STK10: variants seen among roughly 807,000 people sequenced by gnomAD.
STK10 encodes serine/threonine-protein kinase 10.
A neutral mutation model predicts 113.8 loss-of-function variants in STK10; 78 were observed. That is an observed-to-expected ratio of 0.69 (90% confidence interval 0.57 to 0.83). The LOEUF is 0.83. Ranked by LOEUF, STK10 falls within the 40% of genes least tolerant of loss-of-function variation. The probability of loss-of-function intolerance (pLI) is 0.00; values close to 1 mark genes in which losing one functional copy is unlikely to be tolerated. For missense variants in STK10, 1,109 were observed against 1,280.1 expected, an observed-to-expected ratio of 0.87 and a Z score of 2.04; for synonymous variants, 465 against 494.7, an observed-to-expected ratio of 0.94 and a Z score of 0.80.
intron 18 of STK10, among the ~76,000 whole-genome samples, chr5:172,046,619 C>T (rs1045893566): frequency 1.3e-5 from 2 of 152,168 alleles, no homozygotes; most frequent in Non-Finnish European, 2.9e-5. Context: ...TTCTGTTCTA[C>T]CCACCACATA....
chr5:172,108,023 A>C, intron 4 of STK10, 171 bp from the exon 5 acceptor site: 1 of 590,672 alleles, frequency 1.7e-6, no homozygotes, highest in Non-Finnish European at 3.0e-6. Context: ...GGAAGTACCG[A>C]GATGAACACT....
chr5:172,113,167 G>T (rs76777375), intron 4 of STK10, among the ~76,000 whole-genome samples: 357 of 152,196 alleles, frequency 2.3e-3, no homozygotes, highest in African/African-American at 8.2e-3. Flanking sequence ...TCTCTATTAA[G>T]TAAAACCCAG....
chr5:172,188,221 G>A lies in STK10; in HGVS notation c.-179C>T. On this transcript the variant is annotated 5_prime_UTR_variant, in exon 1 of 19. Coordinates refer to ENST00000176763, the MANE Select transcript of STK10 (RefSeq NM_005990.4). This position sits in a 1 kb window ranked among gnomAD's most constrained non-coding sequence, Gnocchi z 5.6. ...TGTGCCCTGGGCAGCGCCGCGCCGG[G>A]AGCACCCGGAACCGCGCAGGCGGCG... 1.8e-6 allele frequency: 2 copies of A among 1,108,854 alleles called. No homozygotes were observed. Among genetic ancestry groups the A allele is most frequent in the Non-Finnish European group, 2.4e-6 (2 of 833,960 alleles). The allele number at this position is 1,108,854 out of a possible 1,614,324, so 68.7% of individuals were successfully genotyped here.
intron 12 of STK10, among the ~76,000 whole-genome samples, chr5:172,081,378 G>T (rs1346210288): frequency 6.6e-6 from 1 of 150,698 alleles, no homozygotes; most frequent in Non-Finnish European, 1.5e-5. Flanking sequence ...AAAAAATCAG[G>T]CTAAATCTAC....
chr5:172,159,531 A>G (rs1006022273), intron 1 of STK10, among the ~76,000 whole-genome samples: 2 of 152,006 alleles, frequency 1.3e-5, no homozygotes, highest in African/African-American at 4.8e-5. Flanking sequence ...GACAGGAAAA[A>G]AAGAAAACAG....
In STK10 at chr5:172,055,596, T is replaced by G; in HGVS notation, c.2518A>C (p.Ile840Leu). ...GGSAAEQREK[I>L]KQFSQQEEKR... ...GCAGGCCCGGCCCCCACCTGCTTGA[T>G]CTTCTCACGCTGCTCAGCTGCGCTG... Residue 840 changes from isoleucine to leucine, a missense_variant, in exon 16 of 19, where the codon ATC becomes CTC. Around this residue, in one of 5 missense-constraint regions of STK10, gnomAD observed 885 missense variants for 991.1 expected, o/e 0.89. Transcript: ENST00000176763. 6.7e-7 allele frequency: 1 copy of G among 1,489,974 alleles called. No homozygotes were observed. 92.3% of individuals were successfully genotyped at this position (1,489,974 alleles called of 1,614,324 possible).
intron 1 of STK10, among the ~76,000 whole-genome samples, chr5:172,161,410 A>G (rs1177781425): frequency 1.3e-5 from 2 of 151,820 alleles, no homozygotes; most frequent in Non-Finnish European, 2.9e-5. Flanking sequence ...CCGAGATCAC[A>G]CCACTGCACT....
At chr5:172,182,239 G>A (rs1481067399) in intron 1 of STK10, among the ~76,000 whole-genome samples, 2 of 146,436 alleles carry the variant, frequency 1.4e-5, no homozygotes, top group Non-Finnish European at 3.0e-5. Flanking sequence ...GAAAGCGGAG[G>A]TTGCGGTGAG....
At chr5:172,127,509 C>A in intron 2 of STK10, 88 bp from the exon 3 acceptor site, 2 of 1,409,748 alleles carry the variant, frequency 1.4e-6, no homozygotes, top group African/African-American at 1.4e-5. Context: ...GCAGGGTCCA[C>A]CCATGCCCAA....
intron 2 of STK10, among the ~76,000 whole-genome samples, chr5:172,129,752 A>C (rs965302681): frequency 1.3e-5 from 2 of 152,218 alleles, no homozygotes; most frequent in Admixed American, 1.3e-4. Context: ...TGCTAGAAAA[A>C]AAACAAGCCA....
At chr5:172,136,116 G>A (rs1419380984) in intron 2 of STK10, among the ~76,000 whole-genome samples, 2 of 151,678 alleles carry the variant, frequency 1.3e-5, no homozygotes, top group East Asian at 1.9e-4. Flanking sequence ...ATGAAAAAGG[G>A]GACACATTAC....
intron 3 of STK10, among the ~76,000 whole-genome samples, chr5:172,124,946 A>G (rs1165087092): frequency 2.0e-5 from 3 of 152,184 alleles, no homozygotes; most frequent in African/African-American, 4.8e-5. Flanking sequence ...TATGTATTTC[A>G]TCTTCACATC....
intron 1 of STK10, among the ~76,000 whole-genome samples, chr5:172,164,161 A>C (rs921393855): frequency 6.6e-6 from 1 of 151,106 alleles, no homozygotes; most frequent in Non-Finnish European, 1.5e-5. Flanking sequence ...GCAGTGAGCC[A>C]AGATAGCGCC....
intron 18 of STK10, among the ~76,000 whole-genome samples, chr5:172,047,607 G>A (rs1767517924): frequency 6.6e-6 from 1 of 152,184 alleles, no homozygotes; most frequent in Non-Finnish European, 1.5e-5. Flanking sequence ...CAGGGAGGGA[G>A]GCCTCAATTC....
At position 172,108,354 on chromosome 5, in the gene STK10, G is replaced by A. The variant is rs113213523; in HGVS notation, c.521-502C>T. The A allele has an allele frequency of 8.6e-3, 1,313 of 152,696 alleles. 6 individuals carry two copies. Among genetic ancestry groups the A allele is most frequent in the Non-Finnish European group, 0.013 (870 of 68,364 alleles). 9.5% of individuals were successfully genotyped at this position (152,696 alleles called of 1,614,324 possible). Reference sequence around the variant, plus strand: ...ATGGAGGCCAGGCAGGGTGGCTCACGCCTGTAATCCCAGTACTTTGGGAGG... The same window carrying A: ...ATGGAGGCCAGGCAGGGTGGCTCACACCTGTAATCCCAGTACTTTGGGAGG... On this transcript the variant is annotated intron_variant, in intron 4 of 18. Coordinates refer to ENST00000176763, the MANE Select transcript of STK10 (RefSeq NM_005990.4).
intron 1 of STK10, among the ~76,000 whole-genome samples, chr5:172,184,233 C>G (rs964992196): frequency 1.2e-4 from 18 of 152,120 alleles, no homozygotes; most frequent in African/African-American, 4.3e-4. Context: ...ACCAAGTGGG[C>G]AGGAGTCGTG....
chr5:172,055,768 C>A lies in STK10; in HGVS notation c.2346G>T (p.Glu782Asp). Residue 782 changes from glutamate (E) to aspartate (D), a missense_variant, in exon 16 of 19, where the codon GAG (glutamate) becomes GAT (aspartate). By Grantham distance (45) the Glu-to-Asp change is conservative. Transcript: ENST00000176763. Reference sequence around the variant, plus strand: ...TGCGCTGGTTGTAGCGCTGCATCTGCTCCCGCTCCTGGAGAGGAATATCCA... The same window carrying A: ...TGCGCTGGTTGTAGCGCTGCATCTGATCCCGCTCCTGGAGAGGAATATCCA... ...ELLRKHEKER[E>D]QMQRYNQRMI... 1 of 1,493,572 alleles carries A rather than the reference C, an allele frequency of 6.7e-7. No homozygotes were observed. The highest frequency in any genetic ancestry group is 9.0e-7 in the Non-Finnish European group (1 of 1,112,216). The allele number at this position is 1,493,572 out of a possible 1,614,324, so 92.5% of individuals were successfully genotyped here.
chr5:172,118,058 G>A (rs533630053), intron 3 of STK10, among the ~76,000 whole-genome samples: 8 of 149,370 alleles, frequency 5.4e-5, no homozygotes, highest in Admixed American at 2.0e-4. Flanking sequence ...AGTGCTCACC[G>A]TGTACTGGAT....
intron 10 of STK10, among the ~76,000 whole-genome samples, chr5:172,088,520 T>A (rs1015788878): frequency 6.6e-6 from 1 of 152,094 alleles, no homozygotes; most frequent in African/African-American, 2.4e-5. Flanking sequence ...CGAGACTCCA[T>A]CTCAAAAAAT....
Sources: gnomAD v4.1 joint callset for allele counts (sites outside exome capture counted in the v4.1 genomes callset) on GRCh38, gnomAD v4.1.1 for gene constraint, gnomAD v4.1.1 regional missense constraint, Gnocchi (gnomAD v3.1) non-coding constraint, MANE v1.5 for transcripts, NCBI Gene and HGNC (gene_info 2026-07-23, HGNC 2026-07-21) for gene names.